PRKN: variants seen among roughly 807,000 people sequenced by gnomAD.
PRKN encodes the protein parkin RBR E3 ubiquitin protein ligase.
Under a neutral mutation model 59.5 loss-of-function variants are expected in PRKN, and 56 were observed. That is an observed-to-expected ratio of 0.94 (90% CI 0.76 to 1.18). PRKN has a LOEUF of 1.18. Among genes scored for constraint, PRKN ranks in the 50% most tolerant of loss-of-function variants. PRKN has a pLI of 0.00. For synonymous variants in PRKN, 250 were observed against 222.1 expected (o/e 1.13, Z -1.12); for missense variants, 657 against 596.4 (o/e 1.10, Z -1.06).
rs921132678 is a variant in PRKN at position 161,545,530 on chromosome 6, A to G, written c.1083+3324T>C. ...TTCTGAAATGACATAATCTAACCAC[A>G]ATTTCTTCCAGACAATGGCTTTCCA... On this transcript the variant is annotated intron_variant, in intron 9 of 11. Transcript: ENST00000366898. The surrounding 1 kb of genome is among the most constrained non-coding windows in gnomAD (Gnocchi z 4.1). 7.7e-6 allele frequency: 7 copies of G among 914,688 alleles called. No homozygotes were observed. The African/African-American group carries it at 9.8e-5, about 13-fold the overall frequency. 56.7% of individuals were successfully genotyped at this position (914,688 alleles called of 1,614,324 possible). A position where few individuals can be genotyped will look rare whatever the true frequency, so the allele number is the denominator to read the frequency against.
chr6:162,269,247 C>G (rs1353069738), intron 2 of PRKN, among the ~76,000 whole-genome samples: 1 of 152,130 alleles, frequency 6.6e-6, no homozygotes, highest in Non-Finnish European at 1.5e-5. Flanking sequence ...ACAATACCGT[C>G]TTTAAGAAAA....
chr6:162,426,597 C>T (rs908586943), intron 2 of PRKN, among the ~76,000 whole-genome samples: 33 of 152,140 alleles, frequency 2.2e-4, no homozygotes, highest in African/African-American at 7.7e-4. Context: ...TACAGGTGCA[C>T]CAGCTTGCCT....
intron 5 of PRKN, among the ~76,000 whole-genome samples, chr6:161,981,648 TA>T (rs1260205393): frequency 2.6e-5 from 4 of 152,244 alleles, no homozygotes; most frequent in Non-Finnish European, 2.9e-5. Flanking sequence ...GTGACTTCTT[TA>T]TTGTGTCTTA....
chr6:162,338,954 G>T (rs1255966743), intron 2 of PRKN, among the ~76,000 whole-genome samples: 2 of 151,042 alleles, frequency 1.3e-5, no homozygotes, highest in Non-Finnish European at 3.0e-5. Flanking sequence ...ACCCCGTCTG[G>T]GAGGTGAGGA....
chr6:161,454,667 T>A lies in PRKN; in HGVS notation c.1084-67790A>T, dbSNP rs944981550. Among the ~76,000 whole-genome samples the A allele has an allele frequency of 6.6e-6, 1 of 152,212 alleles. No individual in the cohort carries two copies. The highest frequency in any genetic ancestry group is 6.5e-5 in the Admixed American group (1 of 15,276). On this transcript the variant is annotated intron_variant, in intron 9 of 11. Transcript: ENST00000366898. This position sits in a 1 kb window ranked among gnomAD's most constrained non-coding sequence, Gnocchi z 4.6. ...ATACTGAAATTTAGAATATGTGGGT[T>A]GAAAAGCACCAAAGCCAGTGTGAGA...
rs996729050 is a variant in PRKN, at chr6:162,122,422, G to C, written c.535-68248C>G. Among the ~76,000 whole-genome samples the C allele has an allele frequency of 1.1e-4, 16 of 152,240 alleles. 1 individual carries two copies. The South Asian group carries it at 2.7e-3, about 26-fold the overall frequency. Reference sequence around the variant, plus strand: ...CAGCAAACGGTCCTCGCTGGAAAAGGCATTTATTTTGGGTATGGATTCATC... The same window carrying C: ...CAGCAAACGGTCCTCGCTGGAAAAGCCATTTATTTTGGGTATGGATTCATC... On this transcript the variant is annotated intron_variant, in intron 4 of 11. Coordinates refer to ENST00000366898, the MANE Select transcript of PRKN (RefSeq NM_004562.3).
At chr6:161,692,644 C>T (rs937316818) in intron 7 of PRKN, among the ~76,000 whole-genome samples, 8 of 152,208 alleles carry the variant, frequency 5.3e-5, no homozygotes, top group Non-Finnish European at 2.9e-5. Context: ...CAGTGGCTTA[C>T]GCCTGCAATC....
At chr6:162,201,753 A>C (rs759583684) in intron 3 of PRKN, among the ~76,000 whole-genome samples, 1 of 152,172 alleles carries the variant, frequency 6.6e-6, no homozygotes, top group Non-Finnish European at 1.5e-5. Flanking sequence ...TTTCTAACTC[A>C]CAGTCACACA....
chr6:161,785,718 G>A, intron 7 of PRKN, 54 bp downstream of exon 7: 6 of 1,569,938 alleles, frequency 3.8e-6, no homozygotes, highest in Non-Finnish European at 5.2e-6. Context: ...ATCAATAATT[G>A]TTCTTCTGTT....
chr6:161,594,159 T>C (rs997770815), intron 7 of PRKN, among the ~76,000 whole-genome samples: 20 of 151,958 alleles, frequency 1.3e-4, no homozygotes, highest in African/African-American at 4.8e-4. Context: ...CAAGACTCCG[T>C]CTCAAAAAAA....
chr6:161,914,234 T>C (rs908915946), intron 6 of PRKN, among the ~76,000 whole-genome samples: 1 of 152,200 alleles, frequency 6.6e-6, no homozygotes, highest in Non-Finnish European at 1.5e-5. Flanking sequence ...GGTAGTATTA[T>C]ATATACTGAT....
intron 9 of PRKN, among the ~76,000 whole-genome samples, chr6:161,495,072 A>T (rs1362337589): frequency 6.6e-6 from 1 of 152,224 alleles, no homozygotes; most frequent in Non-Finnish European, 1.5e-5. Context: ...TTTTGATAAT[A>T]TATTTTATTT....
In PRKN at chr6:161,526,873, G is replaced by T. The variant is rs1779035699; in HGVS notation, c.1083+21981C>A. On this transcript the variant is annotated intron_variant, in intron 9 of 11. Coordinates refer to ENST00000366898, the MANE Select transcript of PRKN (RefSeq NM_004562.3). The surrounding 1 kb of genome is among the most constrained non-coding windows in gnomAD (Gnocchi z 4.1). ...AGGCTCAAAGAAGGGGTAGGTAATT[G>T]GAGTTTATATAGAATCCCTGGGCTA... Among the ~76,000 whole-genome samples the T allele has an allele frequency of 1.3e-5, 2 of 152,188 alleles. No individual in the cohort carries two copies. Among genetic ancestry groups the T allele is most frequent in the African/African-American group, 2.4e-5 (1 of 41,452 alleles).
chr6:161,463,996 C>T lies in PRKN; in HGVS notation c.1084-77119G>A, dbSNP rs1488875622. Among the ~76,000 whole-genome samples the T allele has an allele frequency of 1.3e-5, 2 of 151,894 alleles. No homozygotes were observed. The highest frequency in any genetic ancestry group is 4.8e-5 in the African/African-American group (2 of 41,328). ...TGTTTTTTTGAGAAGGAGTTTCGCTCTTGTTGCCCAGGCTGAAGTGCAATG... is the reference window on the plus strand; with the variant it reads ...TGTTTTTTTGAGAAGGAGTTTCGCTTTTGTTGCCCAGGCTGAAGTGCAATG... On this transcript the variant is annotated intron_variant, in intron 9 of 11. Transcript: ENST00000366898. The surrounding 1 kb of genome is among the most constrained non-coding windows in gnomAD (Gnocchi z 4.8).
rs115063340 is a variant in PRKN at position 162,166,556 on chromosome 6, G to T, written c.534+34575C>A. ...TGAACTATGAACATGTATTGAACTT[G>T]TTTGTCATGGTGTTCATGTTGAAGT... On this transcript the variant is annotated intron_variant, in intron 4 of 11. Transcript: ENST00000366898. Among the ~76,000 whole-genome samples, 1,396 of 152,204 alleles carry T rather than the reference G, an allele frequency of 9.2e-3. 23 individuals are homozygous for T. Among genetic ancestry groups the T allele is most frequent in the African/African-American group, 0.032 (1,319 of 41,528 alleles).
chr6:162,212,967 A>C (rs2128075167), intron 3 of PRKN, among the ~76,000 whole-genome samples: 1 of 152,352 alleles, frequency 6.6e-6, no homozygotes, highest in Middle Eastern at 3.4e-3. Context: ...AGCTCAATTA[A>C]AATCTTATGG....
At position 162,715,459 on chromosome 6, in the gene PRKN, G is replaced by C. The variant is rs1045107973; in HGVS notation, c.7+12203C>G. 2.0e-5 allele frequency among the ~76,000 whole-genome samples: 3 copies of C among 152,268 alleles called. No homozygotes were observed. The South Asian group carries it at 6.2e-4, about 32-fold the overall frequency. ...GTCTGAAGTACACAAACCTTTTGAA[G>C]GGTTTGTTTCTTCTGATTATATTAA... On this transcript the variant is annotated intron_variant, in intron 1 of 11. Transcript: ENST00000366898.
chr6:162,390,427 A>ACACC (rs1214663854), intron 2 of PRKN, among the ~76,000 whole-genome samples: 6 of 137,172 alleles, frequency 4.4e-5, no homozygotes, highest in African/African-American at 1.5e-4. Flanking sequence ...ACACACACAC[A>ACACC]CCTTATATAT....
At chr6:162,645,275 T>C (rs537876106) in intron 1 of PRKN, among the ~76,000 whole-genome samples, 6 of 152,242 alleles carry the variant, frequency 3.9e-5, no homozygotes, top group Non-Finnish European at 5.9e-5. Flanking sequence ...AAAAGAAATA[T>C]TGTAACTATT....
Sources: gnomAD v4.1 joint callset for allele counts (sites outside exome capture counted in the v4.1 genomes callset) on GRCh38, gnomAD v4.1.1 for gene constraint, Gnocchi (gnomAD v3.1) non-coding constraint, MANE v1.5 for transcripts, NCBI Gene and HGNC (gene_info 2026-07-23, HGNC 2026-07-21) for gene names.